The following UNC45A variants were observed in gnomAD, a reference collection of about 807,000 sequenced individuals.
UNC45A encodes the protein protein unc-45 homolog A.
Under a neutral mutation model 103.2 loss-of-function variants are expected in UNC45A, and 78 were observed. That is an observed-to-expected ratio of 0.76 (90% CI 0.63 to 0.91). The LOEUF is 0.91. Ranked by LOEUF, UNC45A falls within the 40% of genes least tolerant of loss-of-function variation. UNC45A has a pLI of 0.00. For synonymous variants in UNC45A, 495 were observed against 504.6 expected, an observed-to-expected ratio of 0.98 and a Z score of 0.25; for missense variants, 1,193 against 1,224.8, an observed-to-expected ratio of 0.97 and a Z score of 0.39.
At chr15:90,935,123 T>TG, upstream of UNC45A, 1 of 610,982 alleles carries the variant, frequency 1.6e-6, no homozygotes, top group Non-Finnish European at 2.9e-6. Flanking sequence ...ACAGCTTAGG[T>TG]GCGCCCGGAG....
At chr15:90,939,854 G>C in intron 5 of UNC45A, 31 bp downstream of exon 5, 1 of 1,576,502 alleles carries the variant, frequency 6.3e-7, no homozygotes, top group Non-Finnish European at 8.6e-7. Flanking sequence ...CAGTGAGTGA[G>C]CTCCCACTAG....
intron 9 of UNC45A, among the ~76,000 whole-genome samples, chr15:90,945,830 A>G (rs1043535199): frequency 1.4e-4 from 20 of 141,832 alleles, no homozygotes; most frequent in Admixed American, 3.5e-4. Flanking sequence ...ATGGGGTTTC[A>G]CCATGTTGGC....
intron 8 of UNC45A, among the ~76,000 whole-genome samples, chr15:90,943,968 C>A (rs902016543): frequency 5.7e-5 from 8 of 139,456 alleles, no homozygotes; most frequent in African/African-American, 1.9e-4. Flanking sequence ...GGATTACCGT[C>A]ATGAGCCATT....
intron 6 of UNC45A, 125 bp from the exon 7 acceptor site, chr15:90,942,312 A>T: frequency 8.8e-7 from 1 of 1,132,668 alleles, no homozygotes; most frequent in Non-Finnish European, 1.3e-6. Context: ...TGTTGTTTTC[A>T]CCTGGAGCTG....
chr15:90,944,006 T>TG (rs2036431630), intron 8 of UNC45A, among the ~76,000 whole-genome samples: 2 of 148,898 alleles, frequency 1.3e-5, no homozygotes, highest in Admixed American at 6.7e-5. Flanking sequence ...TTTTTTTTTT[T>TG]TTTTTGTTTG....
At chr15:90,931,709 G>A, upstream of UNC45A, 1 of 1,614,074 alleles carries the variant, frequency 6.2e-7, no homozygotes, top group Non-Finnish European at 8.5e-7. Context: ...CGTACCCTCT[G>A]GGGTGCAGCG....
rs1261464003 is a variant in UNC45A at position 90,936,396 on chromosome 15, T to C, written c.362T>C (p.Leu121Ser). The part of the protein sequence containing the change: ...AVLDLQRCVS[L>S]EPKNKVFQEA... ...CTTGACCTGCAGAGATGTGTGAGCT[T>C]GGAGCCCAAGAACAAAGTTTTCCAG... Residue 121 changes from leucine (L) to serine (S), a missense_variant, in exon 4 of 20, where the codon TTG becomes TCG. By Grantham distance (145) the Leu-to-Ser change is moderately radical. Coordinates refer to ENST00000418476, the MANE Select transcript of UNC45A (RefSeq NM_018671.5). 2 of 1,614,200 alleles carry C rather than the reference T, an allele frequency of 1.2e-6. 1 individual carries two copies. The highest frequency in any genetic ancestry group is 2.2e-5 in the South Asian group (2 of 91,080).
Position 90,953,582 on chromosome 15 carries a change from A to C in UNC45A, c.2701A>C (p.Met901Leu). 6.2e-7 allele frequency: 1 copy of C among 1,614,138 alleles called. No individual in the cohort carries two copies. Among genetic ancestry groups the C allele is most frequent in the Non-Finnish European group, 8.5e-7 (1 of 1,180,026 alleles). The change falls in exon 20 of 20, where the codon ATG becomes CTG. Residue 901 changes from methionine to leucine, a missense_variant. Physicochemically the swap from Met to Leu is conservative, Grantham distance 15. Transcript: ENST00000418476. ...CTCGAGGGAGATTGCCAGCACCCTG[A>C]TGGAGAGTGAGATGATGGAGATCTT... Reference protein sequence around the residue: ...EASREIASTLMESEMMEILSV... With the variant: ...EASREIASTLLESEMMEILSV...
Position 90,953,747 on chromosome 15 carries a change from A to G in UNC45A, c.*31A>G, listed in dbSNP as rs564223531. 5 of 1,605,400 alleles carry G rather than the reference A, an allele frequency of 3.1e-6. No individual in the cohort carries two copies. The highest frequency in any genetic ancestry group is 2.7e-5 in the African/African-American group (2 of 74,888). On this transcript the variant is annotated 3_prime_UTR_variant, in exon 20 of 20. Transcript: ENST00000418476. ...TTGTCCCTGGGCCCAAGGCTCATGC[A>G]CACGCTACCTATTGTGGCACGGAGA...
Position 90,949,731 on chromosome 15 carries a change from T to G in UNC45A, c.2073+11T>G, listed in dbSNP as rs765248603. On this transcript the variant is annotated intron_variant, in intron 15 of 19. Transcript: ENST00000418476. The stretch of plus-strand genomic sequence containing the variant: ...CAGGGAGGCGGCAGGGTAAGCTGGT[T>G]TACACACCCCTTCCTGATGGCTGAG... 6.2e-7 allele frequency: 1 copy of G among 1,613,870 alleles called. No individual in the cohort carries two copies. Among genetic ancestry groups the G allele is most frequent in the Non-Finnish European group, 8.5e-7 (1 of 1,179,874 alleles).
At chr15:90,939,421 T>C (rs914871392) in intron 4 of UNC45A, among the ~76,000 whole-genome samples, 1 of 152,194 alleles carries the variant, frequency 6.6e-6, no homozygotes, top group Non-Finnish European at 1.5e-5. Context: ...GCTGCCACAA[T>C]GTAGATGGCA....
chr15:90,948,098 T>C (rs780985370), intron 11 of UNC45A, 44 bp from the exon 12 acceptor site: 9 of 1,610,424 alleles, frequency 5.6e-6, no homozygotes, highest in Admixed American at 5.0e-5. Context: ...TACCCCTCCG[T>C]ACCCCCAATC....
rs149135741 is a variant in UNC45A, at chr15:90,950,206, C to T, written c.2126C>T (p.Ala709Val). The change falls in exon 16 of 20, where the codon GCC (alanine) becomes GTC (valine). Residue 709 changes from alanine (A) to valine (V), a missense_variant. Ala to Val is a moderately conservative substitution (Grantham distance 64). Coordinates refer to ENST00000418476, the MANE Select transcript of UNC45A (RefSeq NM_018671.5). ...EGTDVGQTKA[A>V]QALAKLTITS... ...ACGGACGTGGGGCAGACAAAGGCAGCCCAGGCCCTTGCCAAGCTCACCATC... is the reference window on the plus strand; with the variant it reads ...ACGGACGTGGGGCAGACAAAGGCAGTCCAGGCCCTTGCCAAGCTCACCATC... The T allele has an allele frequency of 4.5e-6, 7 of 1,551,746 alleles. No homozygotes were observed. Among genetic ancestry groups the T allele is most frequent in the Non-Finnish European group, 6.1e-6 (7 of 1,147,010 alleles).
chr15:90,931,559 G>A (rs202109806), upstream of UNC45A: 2,638 of 1,614,100 alleles, frequency 1.6e-3, 5 homozygotes, highest in Non-Finnish European at 2.1e-3. Context: ...TATTTTTACT[G>A]TATGAAAGAA....
Position 90,949,638 on chromosome 15 carries a change from C to G in UNC45A, c.2007-16C>G. Reference sequence around the variant, plus strand: ...AGTCCCAGAGCTGCCTGCCCACCACCGCCTTCTCCCCACAGGGTCTTCTTG... The same window carrying G: ...AGTCCCAGAGCTGCCTGCCCACCACGGCCTTCTCCCCACAGGGTCTTCTTG... On this transcript the variant is annotated splice_polypyrimidine_tract_variant and intron_variant, in intron 14 of 19. Coordinates refer to ENST00000418476, the MANE Select transcript of UNC45A (RefSeq NM_018671.5). 1 of 1,613,886 alleles carries G rather than the reference C, an allele frequency of 6.2e-7. No homozygotes were observed. The highest frequency in any genetic ancestry group is 8.5e-7 in the Non-Finnish European group (1 of 1,179,912).
intron 17 of UNC45A, among the ~76,000 whole-genome samples, chr15:90,951,323 T>A (rs141671924): frequency 1.3e-5 from 2 of 152,118 alleles, no homozygotes; most frequent in African/African-American, 4.8e-5. Context: ...TTAGTTTTAT[T>A]ACTAACTGTG....
intron 17 of UNC45A, among the ~76,000 whole-genome samples, chr15:90,951,993 A>G (rs1415992309): frequency 6.6e-6 from 1 of 152,164 alleles, no homozygotes; most frequent in Non-Finnish European, 1.5e-5. Flanking sequence ...CTGGTCTTCT[A>G]CATCCTAATT....
At chr15:90,931,168 T>C (rs1242101520), upstream of UNC45A, 21 of 1,366,218 alleles carry the variant, frequency 1.5e-5, no homozygotes, top group Non-Finnish European at 2.1e-5. Flanking sequence ...GCCTCTAATA[T>C]CTGGGAAGGA....
rs3759928 is a variant in UNC45A, at chr15:90,948,938, G to A, written c.1878+144G>A. On this transcript the variant is annotated intron_variant, in intron 13 of 19. Coordinates refer to ENST00000418476, the MANE Select transcript of UNC45A (RefSeq NM_018671.5). Reference sequence around the variant, plus strand: ...GTCTCCCAGGCTGGAGTGCAGTGATGCGATCTCGGCTCACTGCAAGCTCCG... The same window carrying A: ...GTCTCCCAGGCTGGAGTGCAGTGATACGATCTCGGCTCACTGCAAGCTCCG... 108 of 1,070,308 alleles carry A rather than the reference G, an allele frequency of 1.0e-4. No individual in the cohort carries two copies. In the East Asian group the frequency reaches 2.9e-3, roughly 28 times the overall value. 66.3% of individuals were successfully genotyped at this position (1,070,308 alleles called of 1,614,324 possible). A position where few individuals can be genotyped will look rare whatever the true frequency, so the allele number is the denominator to read the frequency against.
Sources: gnomAD v4.1 joint callset for allele counts (sites outside exome capture counted in the v4.1 genomes callset) on GRCh38, gnomAD v4.1.1 for gene constraint, MANE v1.5 for transcripts, NCBI Gene and HGNC (gene_info 2026-07-23, HGNC 2026-07-21) for gene names.